The following TRAPPC9 variants were observed in gnomAD, a reference collection of about 807,000 sequenced individuals.
The protein encoded by TRAPPC9 is trafficking protein particle complex subunit 9.
TRAPPC9 carries 83 observed loss-of-function variants against 124.0 expected under a neutral mutation model. The observed-to-expected ratio is 0.67, with a 90% CI of 0.56 to 0.80. The LOEUF is 0.80. TRAPPC9 is among the 30% of genes least tolerant of loss of function. The pLI, the probability that TRAPPC9 is intolerant of heterozygous loss-of-function variation, is 0.00. For synonymous variants in TRAPPC9, 638 were observed against 617.5 expected (o/e 1.03, Z -0.49); for missense variants, 1,302 against 1,508.3 (o/e 0.86, Z 2.27).
chr8:140,290,950 T>C (rs761798541), intron 12 of TRAPPC9, 43 bp downstream of exon 12: 1 of 1,510,144 alleles, frequency 6.6e-7, no homozygotes, highest in Admixed American at 1.7e-5. Context: ...AATGAGAAGT[T>C]TGTATGTTAG....
rs138149378 is a variant in TRAPPC9, at chr8:140,294,466, CATG to C, written c.1769-3391_1769-3389del. The stretch of plus-strand genomic sequence containing the variant: ...AAGAAATGGCTTGCCCTATCATGGT[CATG>C]ATGATGATGATGATGATAATAAGCC... On this transcript the variant is annotated intron_variant, in intron 11 of 22. Coordinates refer to ENST00000438773, the MANE Select transcript of TRAPPC9 (RefSeq NM_001160372.4). Among the ~76,000 whole-genome samples, 91 of 151,878 alleles carry C rather than the reference CATG, an allele frequency of 6.0e-4. No homozygotes were observed. In the East Asian group the frequency reaches 6.8e-3, roughly 11 times the overall value.
intron 21 of TRAPPC9, among the ~76,000 whole-genome samples, chr8:139,746,993 A>G (rs1359208177): frequency 2.6e-5 from 4 of 152,250 alleles, no homozygotes; most frequent in Non-Finnish European, 5.9e-5. Flanking sequence ...AAACCAGAAG[A>G]AAAAGAAACG....
At chr8:140,003,075 A>T (rs916999252) in intron 18 of TRAPPC9, among the ~76,000 whole-genome samples, 4 of 152,110 alleles carry the variant, frequency 2.6e-5, no homozygotes, top group African/African-American at 9.7e-5. Context: ...AAAGTTACGG[A>T]ATTGAAGAAA....
intron 21 of TRAPPC9, among the ~76,000 whole-genome samples, chr8:139,736,147 T>C (rs1031686488): frequency 1.3e-5 from 2 of 152,174 alleles, no homozygotes; most frequent in Non-Finnish European, 2.9e-5. Context: ...GAGCGAGCAC[T>C]CCTGCCACAG....
intron 17 of TRAPPC9, among the ~76,000 whole-genome samples, chr8:140,107,583 C>A (rs1587721565): frequency 6.6e-6 from 1 of 152,298 alleles, no homozygotes; most frequent in South Asian, 2.1e-4. Context: ...TCCAGCAATG[C>A]CTCTCAGAAG....
intron 18 of TRAPPC9, among the ~76,000 whole-genome samples, chr8:139,993,586 G>T (rs2614747): frequency 0.031 from 4,663 of 152,290 alleles, 133 homozygotes; most frequent in Non-Finnish European, 0.05. Context: ...ATTCAAAAGT[G>T]TTCAATGCAA....
chr8:140,377,943 G>C (rs2068491871), intron 7 of TRAPPC9, among the ~76,000 whole-genome samples: 2 of 151,746 alleles, frequency 1.3e-5, no homozygotes, highest in African/African-American at 2.4e-5. Context: ...ATGAGTGACA[G>C]AGCAAGACTG....
intron 6 of TRAPPC9, among the ~76,000 whole-genome samples, chr8:140,401,528 C>T (rs971256844): frequency 6.6e-5 from 10 of 152,062 alleles, no homozygotes; most frequent in South Asian, 2.1e-4. Context: ...TTTCTATTGA[C>T]GTGAGAATAA....
chr8:140,307,684 A>C (rs1205117835), intron 10 of TRAPPC9, among the ~76,000 whole-genome samples: 1 of 152,196 alleles, frequency 6.6e-6, no homozygotes, highest in Admixed American at 6.5e-5. Flanking sequence ...TTGCAATTAG[A>C]GATGGCCATG....
chr8:139,884,485 G>A (rs960848949), intron 21 of TRAPPC9, among the ~76,000 whole-genome samples: 3 of 152,038 alleles, frequency 2.0e-5, no homozygotes, highest in African/African-American at 2.4e-5. Context: ...CCCTCCCTTC[G>A]CTCATTTGCC....
intron 11 of TRAPPC9, among the ~76,000 whole-genome samples, chr8:140,297,924 G>A (rs545679638): frequency 4.6e-5 from 7 of 152,368 alleles, no homozygotes; most frequent in South Asian, 2.1e-4. Flanking sequence ...TACTGTGCAC[G>A]TGAGAGGAAA....
At chr8:140,273,023 T>G (rs540582652) in intron 15 of TRAPPC9, among the ~76,000 whole-genome samples, 1 of 152,330 alleles carries the variant, frequency 6.6e-6, no homozygotes, top group Admixed American at 6.5e-5. Flanking sequence ...TTATCTCATT[T>G]AATTCTCAGT....
chr8:140,421,732 T>C (rs1464383325), intron 5 of TRAPPC9, among the ~76,000 whole-genome samples: 1 of 152,110 alleles, frequency 6.6e-6, no homozygotes, highest in Non-Finnish European at 1.5e-5. Flanking sequence ...CACTGGGGAT[T>C]TTTTTCCTTT....
rs1817675129 is a variant in TRAPPC9, at chr8:139,728,865, T to A, written c.*2196A>T. 1.3e-5 allele frequency among the ~76,000 whole-genome samples: 2 copies of A among 152,230 alleles called. No individual in the cohort carries two copies. Among genetic ancestry groups the A allele is most frequent in the African/African-American group, 4.8e-5 (2 of 41,456 alleles). Reference sequence around the variant, plus strand: ...TTTTCTCTGGTAACTGTTGTGGGTATTTTTTGCAGTTTGGGAAACTAAAAA... The same window carrying A: ...TTTTCTCTGGTAACTGTTGTGGGTAATTTTTGCAGTTTGGGAAACTAAAAA... On this transcript the variant is annotated 3_prime_UTR_variant, in exon 23 of 23. Transcript: ENST00000438773.
intron 17 of TRAPPC9, among the ~76,000 whole-genome samples, chr8:140,057,340 T>G (rs1293207309): frequency 6.6e-6 from 1 of 152,208 alleles, no homozygotes; most frequent in Non-Finnish European, 1.5e-5. Context: ...TTATGGGTAT[T>G]TATCCAAAAG....
At chr8:140,102,889 C>T (rs550844281) in intron 17 of TRAPPC9, among the ~76,000 whole-genome samples, 7 of 152,330 alleles carry the variant, frequency 4.6e-5, no homozygotes, top group African/African-American at 1.7e-4. Flanking sequence ...CAGGATAAAG[C>T]TCAACCCCCC....
At chr8:140,408,802 GAAAA>G (rs34569283) in intron 5 of TRAPPC9, among the ~76,000 whole-genome samples, 1 of 125,456 alleles carries the variant, frequency 8.0e-6, no homozygotes. Context: ...TGGCCATTTG[GAAAA>G]AAAAAAAAAA....
chr8:139,939,080 C>G (rs1833732319), intron 19 of TRAPPC9, among the ~76,000 whole-genome samples: 2 of 152,216 alleles, frequency 1.3e-5, no homozygotes, highest in South Asian at 4.1e-4. Context: ...AGGCGACAGG[C>G]ACCAGGACAC....
chr8:139,872,537 T>C (rs2131042147), intron 21 of TRAPPC9, among the ~76,000 whole-genome samples: 1 of 127,572 alleles, frequency 7.8e-6, no homozygotes, highest in South Asian at 3.1e-4. Flanking sequence ...GATGGATGGA[T>C]GGATGGATGG....
Sources: gnomAD v4.1 joint callset for allele counts (sites outside exome capture counted in the v4.1 genomes callset) on GRCh38, gnomAD v4.1.1 for gene constraint, MANE v1.5 for transcripts, NCBI Gene and HGNC (gene_info 2026-07-23, HGNC 2026-07-21) for gene names.